The following PDE9A variants were observed in gnomAD, a reference collection of about 807,000 sequenced individuals.
The protein encoded by PDE9A is high affinity cGMP-specific 3',5'-cyclic phosphodiesterase 9A.
A neutral mutation model predicts 87.4 loss-of-function variants in PDE9A; 60 were observed. The observed-to-expected ratio is 0.69, with a 90% confidence interval of 0.56 to 0.85. The LOEUF is 0.85. PDE9A is among the 40% of genes least tolerant of loss of function. PDE9A has a pLI of 0.00. For missense variants in PDE9A, 665 were observed against 779.0 expected (o/e 0.85, Z 1.74); for synonymous variants, 272 against 279.4 (o/e 0.97, Z 0.27).
intron 10 of PDE9A, 49 bp from the exon 11 acceptor site, chr21:42,758,950 G>A: frequency 7.0e-7 from 1 of 1,420,456 alleles, no homozygotes; most frequent in Non-Finnish European, 9.9e-7. Context: ...AGGGGCTGGG[G>A]AGCCGGCCAC....
chr21:42,763,864 G>A (rs1655007034), intron 14 of PDE9A, among the ~76,000 whole-genome samples: 2 of 152,208 alleles, frequency 1.3e-5, no homozygotes, highest in South Asian at 4.1e-4. Flanking sequence ...ACGCTTCCAG[G>A]AAGTTCAAAG....
Position 42,760,758 on chromosome 21 carries a change from C to CCCCTCACCACTCACCCAATTCCA in PDE9A, c.1003-64_1003-63insTCACCACTCACCCAATTCCACCC. The CCCCTCACCACTCACCCAATTCCA allele has an allele frequency of 5.1e-6, 1 of 197,706 alleles. No homozygotes were observed. The highest frequency in any genetic ancestry group is 6.8e-5 in the East Asian group (1 of 14,638). The allele number at this position is 197,706 out of a possible 1,614,324, so 12.2% of individuals were successfully genotyped here. ...CCGCTTACCACTCACCCAATTCCAC[C>CCCCTCACCACTCACCCAATTCCA]CCCCCTCACCCCATCCCACCCTCCG... is the stretch of plus-strand genomic sequence containing the variant. On this transcript the variant is annotated intron_variant, in intron 12 of 19. Transcript: ENST00000291539. The surrounding 1 kb of genome is among the most constrained non-coding windows in gnomAD (Gnocchi z 5.2).
chr21:42,666,399 A>G (rs1261893608), intron 1 of PDE9A, among the ~76,000 whole-genome samples: 1 of 152,156 alleles, frequency 6.6e-6, no homozygotes, highest in Non-Finnish European at 1.5e-5. Flanking sequence ...GGATGAGCCC[A>G]TCTGACTCAG....
intron 4 of PDE9A, among the ~76,000 whole-genome samples, chr21:42,714,479 T>C (rs2049652204): frequency 6.6e-6 from 1 of 151,964 alleles, no homozygotes; most frequent in Non-Finnish European, 1.5e-5. Context: ...CTACCAGTCT[T>C]TGTTCATATG....
At chr21:42,764,088 G>C (rs2056106387) in intron 14 of PDE9A, among the ~76,000 whole-genome samples, 1 of 152,248 alleles carries the variant, frequency 6.6e-6, no homozygotes, top group South Asian at 2.1e-4. Flanking sequence ...GCCACTGTGA[G>C]TGTGAAATGA....
At chr21:42,667,011 C>T (rs973321261) in intron 1 of PDE9A, among the ~76,000 whole-genome samples, 1 of 152,062 alleles carries the variant, frequency 6.6e-6, no homozygotes, top group Non-Finnish European at 1.5e-5. Context: ...GCTGTCCCCA[C>T]TCCCCCCCGC....
chr21:42,750,965 G>C (rs529682685), intron 8 of PDE9A, 151 bp from the exon 9 acceptor site: 2 of 671,444 alleles, frequency 3.0e-6, no homozygotes, highest in Admixed American at 2.2e-5. Flanking sequence ...ATTTTGCTTC[G>C]AGTGAGTTGC....
chr21:42,663,304 T>C (rs1414438865), intron 1 of PDE9A, among the ~76,000 whole-genome samples: 1 of 137,108 alleles, frequency 7.3e-6, no homozygotes, highest in African/African-American at 2.8e-5. Context: ...CACACATACA[T>C]ACACACCGCG....
chr21:42,751,051 T>C, intron 8 of PDE9A, 65 bp from the exon 9 acceptor site: 1 of 1,051,412 alleles, frequency 9.5e-7, no homozygotes, highest in Admixed American at 1.7e-5. Flanking sequence ...TTGCTTTTGC[T>C]GTGCTGAGGG....
chr21:42,769,480 ACACATGCACACAAGGCACGCAG>A (rs1446861655), intron 17 of PDE9A, among the ~76,000 whole-genome samples: 4 of 9,156 alleles, frequency 4.4e-4, no homozygotes, highest in Non-Finnish European at 1.0e-3. Context: ...GCATGCAGGT[ACACATGCACACAAGGCACGCAG>A]GTACACATGC....
At chr21:42,668,064 G>A (rs780644850) in intron 1 of PDE9A, among the ~76,000 whole-genome samples, 1 of 152,064 alleles carries the variant, frequency 6.6e-6, no homozygotes, top group Non-Finnish European at 1.5e-5. Context: ...TCCCCGCTGG[G>A]GTGTCCCTTT....
intron 1 of PDE9A, among the ~76,000 whole-genome samples, chr21:42,661,647 T>C (rs996624167): frequency 1.3e-5 from 2 of 152,242 alleles, no homozygotes; most frequent in Non-Finnish European, 2.9e-5. Flanking sequence ...GATGAATCGA[T>C]GAAACTGCCT....
intron 7 of PDE9A, chr21:42,734,581 CTTT>C (rs1168670531): frequency 6.6e-6 from 1 of 151,002 alleles, no homozygotes; most frequent in Admixed American, 6.6e-5. Flanking sequence ...TTTTCTTTTT[CTTT>C]TTTTGAGAGA....
chr21:42,759,136 G>A lies in PDE9A; in HGVS notation c.897+51G>A, dbSNP rs372523567. 2.5e-5 allele frequency: 33 copies of A among 1,346,312 alleles called. No homozygotes were observed. The highest frequency in any genetic ancestry group is 3.4e-5 in the Non-Finnish European group (32 of 938,226). 83.4% of individuals were successfully genotyped at this position (1,346,312 alleles called of 1,614,324 possible). On this transcript the variant is annotated intron_variant, in intron 11 of 19. Transcript: ENST00000291539. This position sits in a 1 kb window ranked among gnomAD's most constrained non-coding sequence, Gnocchi z 7.2. ...CTTCCTGGGCACGTGGTTTCATCCA[G>A]TTCCACAGGAATGGAGGGAATGGAT...
At chr21:42,690,068 G>A (rs4305356) in intron 3 of PDE9A, 1 of 984,440 alleles carries the variant, frequency 1.0e-6, no homozygotes, top group Non-Finnish European at 1.2e-6. Context: ...GAAGATGGAG[G>A]TAGACGCGGG....
chr21:42,720,073 GAC>G (rs1178327423), intron 4 of PDE9A, among the ~76,000 whole-genome samples: 2 of 152,168 alleles, frequency 1.3e-5, no homozygotes, highest in African/African-American at 2.4e-5. Context: ...AGGTTACAGT[GAC>G]ACACACACAG....
chr21:42,756,741 C>G (rs2055103225), intron 10 of PDE9A: 1 of 152,742 alleles, frequency 6.5e-6, no homozygotes. Flanking sequence ...ATGAGTCCCC[C>G]ACTCACGACC....
At position 42,772,523 on chromosome 21, in the gene PDE9A, A is replaced by G; in HGVS notation, c.1768+3A>G. 6.3e-7 allele frequency: 1 copy of G among 1,591,020 alleles called. No homozygotes were observed. Among genetic ancestry groups the G allele is most frequent in the South Asian group, 1.1e-5 (1 of 87,606 alleles). ...CAGAGATGTGAAAAACAGTGAAGGT[A>G]ATGCTTGCTCTGCTGAAGTGGCATC... is the stretch of plus-strand genomic sequence containing the variant. On this transcript the variant is annotated splice_donor_region_variant and intron_variant, in intron 19 of 19. Coordinates refer to ENST00000291539, the MANE Select transcript of PDE9A (RefSeq NM_002606.3).
intron 17 of PDE9A, among the ~76,000 whole-genome samples, chr21:42,769,826 C>T (rs2056867353): frequency 6.6e-6 from 1 of 152,140 alleles, no homozygotes; most frequent in African/African-American, 2.4e-5. Flanking sequence ...CAGCCTCTTC[C>T]CCGGCTGTCG....
Sources: gnomAD v4.1 joint callset for allele counts (sites outside exome capture counted in the v4.1 genomes callset) on GRCh38, gnomAD v4.1.1 for gene constraint, Gnocchi (gnomAD v3.1) non-coding constraint, MANE v1.5 for transcripts, NCBI Gene and HGNC (gene_info 2026-07-23, HGNC 2026-07-21) for gene names.